The following SKI variants were observed in gnomAD, a reference collection of about 807,000 sequenced individuals.
SKI encodes SKI proto-oncogene, also known as ski oncogene.
In SKI, 23 loss-of-function variants were observed where a neutral mutation model predicts 59.3. The ratio of observed to expected loss-of-function variants is 0.39; its 90% confidence interval spans 0.28 to 0.55. The LOEUF is 0.55. Among genes scored for constraint, SKI ranks in the 20% least tolerant of loss-of-function variants. The pLI, the probability that SKI is intolerant of heterozygous loss-of-function variation, is 0.67. For missense variants in SKI, 1,017 were observed against 1,038.9 expected (o/e 0.98, Z 0.29); for synonymous variants, 673 against 488.6 (o/e 1.38, Z -4.98).
rs781254741 is a variant in SKI at position 2,252,108 on chromosome 1, T to TGAG, written c.969+22388_969+22390dup. Reference sequence around the variant, plus strand: ...TCTGTGCACCCCCCGGTGAGAGATCTGAGGAGGAGGAGGAGGAACCGAGGG... The same window carrying TGAG: ...TCTGTGCACCCCCCGGTGAGAGATCTGAGGAGGAGGAGGAGGAGGAACCGAGGG... On this transcript the variant is annotated intron_variant, in intron 1 of 6. Coordinates refer to ENST00000378536, the MANE Select transcript of SKI (RefSeq NM_003036.4). Among the ~76,000 whole-genome samples the TGAG allele has an allele frequency of 2.0e-5, 3 of 152,254 alleles. No homozygotes were observed. In the South Asian group the frequency reaches 6.2e-4, roughly 32 times the overall value.
chr1:2,291,996 CAT>C (rs1458656710), intron 1 of SKI, among the ~76,000 whole-genome samples: 1 of 152,208 alleles, frequency 6.6e-6, no homozygotes, highest in Non-Finnish European at 1.5e-5. Flanking sequence ...AGTGAATTAT[CAT>C]GTGTGAAATA....
chr1:2,309,981 C>T lies in SKI; in HGVS notation c.*3216C>T, dbSNP rs1044823832. The T allele has an allele frequency of 1.4e-5, 2 of 143,090 alleles. No homozygotes were observed. The highest frequency in any genetic ancestry group is 5.3e-5 in the African/African-American group (2 of 37,930). 8.9% of individuals were successfully genotyped at this position (143,090 alleles called of 1,614,324 possible). On this transcript the variant is annotated 3_prime_UTR_variant, in exon 7 of 7. Coordinates refer to ENST00000378536, the MANE Select transcript of SKI (RefSeq NM_003036.4). Reference sequence around the variant, plus strand: ...GAAAAAGCTCCATCTCTACCTTTAACATCACCCAGACCCCCGCCCCTGCCC... The same window carrying T: ...GAAAAAGCTCCATCTCTACCTTTAATATCACCCAGACCCCCGCCCCTGCCC...
intron 1 of SKI, among the ~76,000 whole-genome samples, chr1:2,296,057 G>T (rs146368007): frequency 3.3e-5 from 5 of 152,112 alleles, no homozygotes; most frequent in Admixed American, 6.5e-5. Context: ...AGGGGTTCCT[G>T]TGTCTCCATG....
At chr1:2,264,501 C>T (rs958715397) in intron 1 of SKI, among the ~76,000 whole-genome samples, 1 of 152,040 alleles carries the variant, frequency 6.6e-6, no homozygotes, top group Admixed American at 6.5e-5. Context: ...ATCTCCTGAC[C>T]TCATGGATCC....
In SKI at chr1:2,304,602, G is replaced by C. The variant is rs1640521727; in HGVS notation, c.1767+17G>C. The C allele has an allele frequency of 6.5e-7, 1 of 1,537,322 alleles. No individual in the cohort carries two copies. Among genetic ancestry groups the C allele is most frequent in the Non-Finnish European group, 8.8e-7 (1 of 1,139,108 alleles). On this transcript the variant is annotated intron_variant, in intron 5 of 6. Transcript: ENST00000378536. ...CTCCACCAGGTGAGCGGGGCGAGTG[G>C]TGCTGGGAGGTCCAGGGCACGGGCA...
chr1:2,259,314 T>G (rs915596206), intron 1 of SKI, among the ~76,000 whole-genome samples: 1 of 152,180 alleles, frequency 6.6e-6, no homozygotes, highest in East Asian at 1.9e-4. Flanking sequence ...CGGAAAACAC[T>G]TGCAGGTTCC....
intron 1 of SKI, among the ~76,000 whole-genome samples, chr1:2,243,477 T>G (rs905879463): frequency 6.6e-6 from 1 of 152,242 alleles, no homozygotes; most frequent in Non-Finnish European, 1.5e-5. Flanking sequence ...CGAGTGCCTG[T>G]CACTCTGGCT....
At chr1:2,274,938 G>C (rs1639708582) in intron 1 of SKI, among the ~76,000 whole-genome samples, 1 of 152,196 alleles carries the variant, frequency 6.6e-6, no homozygotes, top group Admixed American at 6.5e-5. Context: ...CCAATTGTTT[G>C]GGGCCTTCGC....
intron 1 of SKI, among the ~76,000 whole-genome samples, chr1:2,287,368 G>C (rs1316926199): frequency 3.4e-5 from 5 of 145,768 alleles, no homozygotes; most frequent in Non-Finnish European, 7.4e-5. Flanking sequence ...ACTGAGTCTG[G>C]CTCTGTCGCC....
intron 1 of SKI, among the ~76,000 whole-genome samples, chr1:2,271,201 A>G (rs1194205981): frequency 6.6e-6 from 1 of 150,488 alleles, no homozygotes; most frequent in African/African-American, 2.4e-5. Flanking sequence ...AGGCCTGGAC[A>G]CTCCCACCTC....
chr1:2,296,972 G>T (rs1225777025), intron 1 of SKI, among the ~76,000 whole-genome samples: 1 of 152,126 alleles, frequency 6.6e-6, no homozygotes, highest in Non-Finnish European at 1.5e-5. Context: ...TTCCCACAAG[G>T]CCCGTGGCCT....
chr1:2,233,496 G>A (rs263531), intron 1 of SKI, among the ~76,000 whole-genome samples: 12 of 151,902 alleles, frequency 7.9e-5, no homozygotes, highest in Admixed American at 3.3e-4. Context: ...TTGCCCTTGC[G>A]CTGTGTGGGC....
intron 1 of SKI, among the ~76,000 whole-genome samples, chr1:2,254,851 G>T (rs1286626697): frequency 6.6e-6 from 1 of 152,218 alleles, no homozygotes; most frequent in East Asian, 1.9e-4. Flanking sequence ...CTGCGGTCAG[G>T]TGAGCTCTGG....
At chr1:2,249,422 C>T (rs567058141) in intron 1 of SKI, among the ~76,000 whole-genome samples, 1 of 152,334 alleles carries the variant, frequency 6.6e-6, no homozygotes, top group East Asian at 1.9e-4. Flanking sequence ...CCTTCAGTGC[C>T]CCAGGGCTGT....
intron 1 of SKI, among the ~76,000 whole-genome samples, chr1:2,243,554 C>G (rs1638925224): frequency 6.6e-6 from 1 of 152,206 alleles, no homozygotes; most frequent in Admixed American, 6.5e-5. Flanking sequence ...GACGAGTGGG[C>G]AGAGTGCTTG....
At chr1:2,259,202 G>A (rs975333970) in intron 1 of SKI, among the ~76,000 whole-genome samples, 4 of 152,188 alleles carry the variant, frequency 2.6e-5, no homozygotes, top group African/African-American at 7.2e-5. Context: ...CGCCCTCGCC[G>A]GTGCTGTCTG....
chr1:2,306,303 TG>T, intron 6 of SKI, 53 bp downstream of exon 6: 1 of 1,442,330 alleles, frequency 6.9e-7, no homozygotes, highest in Non-Finnish European at 9.3e-7. Context: ...GGAGCCGCCG[TG>T]GGCCCCGGTG....
chr1:2,277,418 TAGTG>T (rs998279243), intron 1 of SKI, among the ~76,000 whole-genome samples: 41 of 152,316 alleles, frequency 2.7e-4, no homozygotes, highest in East Asian at 1.9e-3. Context: ...ATTCTCGTGA[TAGTG>T]AGTAAGTCTC....
At position 2,280,375 on chromosome 1, in the gene SKI, CA is replaced by C. The variant is rs34527294; in HGVS notation, c.970-22590del. ...TGAGTGACAGAGCAAGCGTCTGTCT[CA>C]AAAAAAAAAAAAGTCTGACCACAGC... On this transcript the variant is annotated intron_variant, in intron 1 of 6. Transcript: ENST00000378536. 1.5e-3 allele frequency among the ~76,000 whole-genome samples: 208 copies of C among 140,632 alleles called. 1 individual carries two copies. The highest frequency in any genetic ancestry group is 4.8e-3 in the East Asian group (23 of 4,794). 92.3% of individuals were successfully genotyped at this position (140,632 alleles called of 152,430 possible).
Sources: allele counts gnomAD v4.1 joint callset (sites outside exome capture counted in the v4.1 genomes callset), GRCh38; gene constraint gnomAD v4.1.1; transcripts MANE v1.5; gene names NCBI Gene and HGNC (gene_info 2026-07-23, HGNC 2026-07-21).